Variants in DOCK5 observed in about 807,000 individuals in gnomAD.
DOCK5 encodes the protein dedicator of cytokinesis 5.
DOCK5 carries 142 observed loss-of-function variants against 251.8 expected under a neutral mutation model. That is an observed-to-expected ratio of 0.56 (90% CI 0.49 to 0.65). The LOEUF (loss-of-function observed/expected upper bound fraction) is 0.65, where lower values mean the gene tolerates loss of function less well. DOCK5 is among the 30% of genes least tolerant of loss of function. DOCK5 has a pLI of 0.00. For missense variants in DOCK5, 2,111 were observed against 2,312.3 expected (o/e 0.91, Z 1.79); for synonymous variants, 842 against 835.5 (o/e 1.01, Z -0.13).
At chr8:25,306,257 T>C (rs2117175147) in intron 11 of DOCK5, among the ~76,000 whole-genome samples, 1 of 152,330 alleles carries the variant, frequency 6.6e-6, no homozygotes, top group Non-Finnish European at 1.5e-5. Flanking sequence ...GAGACAAATA[T>C]TTTATGTAGC....
intron 5 of DOCK5, among the ~76,000 whole-genome samples, chr8:25,283,495 G>C (rs1000122960): frequency 6.6e-6 from 1 of 152,174 alleles, no homozygotes; most frequent in Non-Finnish European, 1.5e-5. Flanking sequence ...TGGAAAGAGA[G>C]AGTGGCTGTG....
chr8:25,198,495 C>G (rs900000697), intron 1 of DOCK5, among the ~76,000 whole-genome samples: 1 of 152,016 alleles, frequency 6.6e-6, no homozygotes, highest in Non-Finnish European at 1.5e-5. Flanking sequence ...TCACTTGAAC[C>G]CGGGAGGCAG....
chr8:25,236,931 T>C (rs1758390396), intron 1 of DOCK5, among the ~76,000 whole-genome samples: 1 of 152,186 alleles, frequency 6.6e-6, no homozygotes, highest in Non-Finnish European at 1.5e-5. Context: ...GAATGATATA[T>C]GTCTCCAATG....
chr8:25,338,229 C>T lies in DOCK5; in HGVS notation c.2327+1856C>T, dbSNP rs572430288. ...CTAATGTTTATATTTTTTGTAGAGA[C>T]AGGGTCTCTCTATGTTACCCAGTCT... is the stretch of plus-strand genomic sequence containing the variant. On this transcript the variant is annotated intron_variant, in intron 22 of 51. Coordinates refer to ENST00000276440, the MANE Select transcript of DOCK5 (RefSeq NM_024940.8). 2.2e-3 allele frequency among the ~76,000 whole-genome samples: 327 copies of T among 152,032 alleles called. 2 individuals are homozygous for T. Among genetic ancestry groups the T allele is most frequent in the Non-Finnish European group, 3.7e-3 (254 of 67,986 alleles).
chr8:25,314,919 C>T (rs897890445), intron 13 of DOCK5, among the ~76,000 whole-genome samples: 7 of 150,654 alleles, frequency 4.6e-5, no homozygotes, highest in Non-Finnish European at 8.9e-5. Flanking sequence ...TCTCCATCTG[C>T]ATTGTCACTA....
intron 1 of DOCK5, among the ~76,000 whole-genome samples, chr8:25,239,494 A>G (rs1020575841): frequency 6.6e-6 from 1 of 152,020 alleles, no homozygotes; most frequent in African/African-American, 2.4e-5. Context: ...TCATTACACA[A>G]TGCATTGTGA....
chr8:25,352,261 G>A (rs1800483825), intron 27 of DOCK5, among the ~76,000 whole-genome samples: 1 of 127,974 alleles, frequency 7.8e-6, no homozygotes, highest in Non-Finnish European at 1.7e-5. Flanking sequence ...GGAAGGGAGG[G>A]AGGGAGGGAG....
intron 27 of DOCK5, among the ~76,000 whole-genome samples, chr8:25,357,854 A>G (rs1237307794): frequency 6.6e-6 from 1 of 152,176 alleles, no homozygotes; most frequent in Non-Finnish European, 1.5e-5. Context: ...AGCTGCATGA[A>G]TACAGGAGGT....
At position 25,359,151 on chromosome 8, in the gene DOCK5, T is replaced by C. The variant is rs539922870; in HGVS notation, c.2949+90T>C. ...GAAGCTGAGCATCGTGAGTCCAGGG[T>C]TCTCTTCCCACGCACCTCCGGTGCT... is the stretch of plus-strand genomic sequence containing the variant. On this transcript the variant is annotated intron_variant, in intron 28 of 51. Coordinates refer to ENST00000276440, the MANE Select transcript of DOCK5 (RefSeq NM_024940.8). 35 of 1,142,388 alleles carry C rather than the reference T, an allele frequency of 3.1e-5. No homozygotes were observed. The East Asian group carries it at 7.3e-4, about 24-fold the overall frequency. 70.8% of individuals were successfully genotyped at this position (1,142,388 alleles called of 1,614,324 possible).
rs573224060 is a variant in DOCK5, at chr8:25,307,235, C to T, written c.1050-1548C>T. Among the ~76,000 whole-genome samples the T allele has an allele frequency of 8.5e-5, 13 of 152,192 alleles. 1 individual carries two copies. The South Asian group carries it at 2.3e-3, about 27-fold the overall frequency. On this transcript the variant is annotated intron_variant, in intron 11 of 51. Coordinates refer to ENST00000276440, the MANE Select transcript of DOCK5 (RefSeq NM_024940.8). ...CTGGGTTCAAGCAATTCTCCTGCCTCAGCCTCCTGAGTAGCTGAGATTACA... is the reference window on the plus strand; with the variant it reads ...CTGGGTTCAAGCAATTCTCCTGCCTTAGCCTCCTGAGTAGCTGAGATTACA...
At chr8:25,387,726 GCTTTCCGCCCCTGGGC>G (rs1707602722) in intron 40 of DOCK5, among the ~76,000 whole-genome samples, 1 of 152,154 alleles carries the variant, frequency 6.6e-6, no homozygotes, top group Non-Finnish European at 1.5e-5. Context: ...AGAATTCTGT[GCTTTCCGCCCCTGGGC>G]CTGACTCTTT....
chr8:25,241,514 G>C (rs1802944777), intron 1 of DOCK5, among the ~76,000 whole-genome samples: 1 of 152,020 alleles, frequency 6.6e-6, no homozygotes, highest in African/African-American at 2.4e-5. Context: ...AGATGCTGGA[G>C]AGGACATGGA....
At chr8:25,234,508 T>C in intron 1 of DOCK5, among the ~76,000 whole-genome samples, 1 of 152,252 alleles carries the variant, frequency 6.6e-6, no homozygotes, top group African/African-American at 2.4e-5. Context: ...TTTTTCTGTT[T>C]TACTTTTTCC....
chr8:25,238,167 G>A (rs1802849378), intron 1 of DOCK5, among the ~76,000 whole-genome samples: 1 of 152,206 alleles, frequency 6.6e-6, no homozygotes, highest in Non-Finnish European at 1.5e-5. Context: ...CATTTAAAGA[G>A]AGAAATCTAG....
rs1805704499 is a variant in DOCK5, at chr8:25,332,416, A to G, written c.2001+68A>G. Reference sequence around the variant, plus strand: ...ATATATACCTATCTAATTATACCTAATTGGTTCACCATTTAAAATTAAATC... The same window carrying G: ...ATATATACCTATCTAATTATACCTAGTTGGTTCACCATTTAAAATTAAATC... On this transcript the variant is annotated intron_variant, in intron 19 of 51. Coordinates refer to ENST00000276440, the MANE Select transcript of DOCK5 (RefSeq NM_024940.8). 2.7e-5 allele frequency: 36 copies of G among 1,313,932 alleles called. No homozygotes were observed. The South Asian group carries it at 4.2e-4, about 15-fold the overall frequency. 81.4% of individuals were successfully genotyped at this position (1,313,932 alleles called of 1,614,324 possible). A position where few individuals can be genotyped will look rare whatever the true frequency, so the allele number is the denominator to read the frequency against.
chr8:25,299,121 C>T lies in DOCK5; in HGVS notation c.764+20C>T, dbSNP rs371694309. 9 of 1,610,268 alleles carry T rather than the reference C, an allele frequency of 5.6e-6. No individual in the cohort carries two copies. Among genetic ancestry groups the T allele is most frequent in the Admixed American group, 3.4e-5 (2 of 59,486 alleles). ...TATCAGGTAGCAGAGACCCACATCC[C>T]CTGCTGCTGACCTAACAAAGATACC... On this transcript the variant is annotated intron_variant, in intron 8 of 51. Transcript: ENST00000276440.
chr8:25,329,399 C>T (rs1805632355), intron 18 of DOCK5, among the ~76,000 whole-genome samples: 1 of 152,064 alleles, frequency 6.6e-6, no homozygotes, highest in Non-Finnish European at 1.5e-5. Context: ...AAAATCTATT[C>T]TCTTAGCAAT....
chr8:25,291,790 T>C lies in DOCK5; in HGVS notation c.322-234T>C, dbSNP rs73560416. 3.4e-3 allele frequency among the ~76,000 whole-genome samples: 513 copies of C among 150,572 alleles called. 2 individuals carry two copies. The highest frequency in any genetic ancestry group is 0.012 in the African/African-American group (477 of 40,898). Reference sequence around the variant, plus strand: ...ATCCATGGTGAGACCCTGTCTCTACTTGAACCCAGGAGGCAGAGGTTGTAG... The same window carrying C: ...ATCCATGGTGAGACCCTGTCTCTACCTGAACCCAGGAGGCAGAGGTTGTAG... On this transcript the variant is annotated intron_variant, in intron 5 of 51. Coordinates refer to ENST00000276440, the MANE Select transcript of DOCK5 (RefSeq NM_024940.8).
At chr8:25,206,257 G>T (rs2117470575) in intron 1 of DOCK5, among the ~76,000 whole-genome samples, 1 of 152,266 alleles carries the variant, frequency 6.6e-6, no homozygotes, top group African/African-American at 2.4e-5. Context: ...AGAGGGAAAT[G>T]ATATAGATTT....
Sources: gnomAD v4.1 joint callset for allele counts (sites outside exome capture counted in the v4.1 genomes callset) on GRCh38, gnomAD v4.1.1 for gene constraint, MANE v1.5 for transcripts, NCBI Gene and HGNC (gene_info 2026-07-23, HGNC 2026-07-21) for gene names.